SLC30A8: variants seen among roughly 807,000 people sequenced by gnomAD.
The protein encoded by SLC30A8 is solute carrier family 30 member 8.
Under a neutral mutation model 36.9 loss-of-function variants are expected in SLC30A8, and 27 were observed. The observed-to-expected ratio is 0.73, with a 90% CI of 0.54 to 1.01. SLC30A8 has a LOEUF of 1.01. Ranked by LOEUF, SLC30A8 falls within the 50% of genes least tolerant of loss-of-function variation. The probability of loss-of-function intolerance (pLI) is 0.00; values close to 1 mark genes in which losing one functional copy is unlikely to be tolerated. For synonymous variants in SLC30A8, 164 were observed against 172.4 expected (o/e 0.95, Z 0.38); for missense variants, 439 against 452.0 (o/e 0.97, Z 0.26).
Position 117,097,396 on chromosome 8 carries a change from C to CAAA in SLC30A8, c.-225-37863_-225-37861dup, listed in dbSNP as rs1157294543. On this transcript the variant is annotated intron_variant, in intron 2 of 10. Coordinates refer to the SLC30A8 transcript ENST00000427715. ...TGGGTGACAAAGCAAGACTCCATCT[C>CAAA]AAAAAAAAAAAAAAAAAAAAAAATA... Among the ~76,000 whole-genome samples, 16 of 25,060 alleles carry CAAA rather than the reference C, an allele frequency of 6.4e-4. 2 individuals carry two copies. The highest frequency in any genetic ancestry group is 1.5e-3 in the African/African-American group (14 of 9,156). 16.4% of individuals were successfully genotyped at this position (25,060 alleles called of 152,430 possible).
Position 116,972,054 on chromosome 8 carries a change from A to G in SLC30A8, c.-266+20935A>G, listed in dbSNP as rs139201333. 8.5e-5 allele frequency among the ~76,000 whole-genome samples: 13 copies of G among 152,354 alleles called. No homozygotes were observed. In the East Asian group the frequency reaches 2.3e-3, roughly 27 times the overall value. On this transcript the variant is annotated intron_variant, in intron 1 of 10. Coordinates refer to the SLC30A8 transcript ENST00000427715. ...GTGAAAAACTAGCTCAAGTCTTGTA[A>G]CTGCTTATTTCAAATACTATAAAAG...
chr8:117,153,182 G>C, intron 3 of SLC30A8, 92 bp downstream of exon 3: 2 of 1,338,600 alleles, frequency 1.5e-6, no homozygotes, highest in Non-Finnish European at 2.0e-6. Context: ...AGCCTTGTTG[G>C]AAAGTCCTTA....
intron 1 of SLC30A8, among the ~76,000 whole-genome samples, chr8:117,002,899 G>C (rs979317840): frequency 1.3e-5 from 2 of 152,060 alleles, no homozygotes; most frequent in African/African-American, 4.8e-5. Flanking sequence ...CACTGTGCCT[G>C]GCCAAAAGAT....
intron 1 of SLC30A8, among the ~76,000 whole-genome samples, chr8:117,028,822 C>T (rs1236185452): frequency 1.3e-5 from 2 of 151,750 alleles, no homozygotes; most frequent in African/African-American, 2.4e-5. Context: ...GGTTATCAAA[C>T]AATTGACACC....
At chr8:117,035,133 C>T (rs1356505958) in intron 1 of SLC30A8, among the ~76,000 whole-genome samples, 2 of 152,184 alleles carry the variant, frequency 1.3e-5, no homozygotes, top group Non-Finnish European at 2.9e-5. Flanking sequence ...CATTTCAAAA[C>T]ACAATCATGC....
At chr8:117,040,230 A>C (rs1817340720) in intron 2 of SLC30A8, among the ~76,000 whole-genome samples, 1 of 152,232 alleles carries the variant, frequency 6.6e-6, no homozygotes, top group Non-Finnish European at 1.5e-5. Context: ...TTTGCGACCT[A>C]ACAATAGGGT....
intron 1 of SLC30A8, among the ~76,000 whole-genome samples, chr8:116,957,642 G>A (rs1164106564): frequency 6.6e-6 from 1 of 152,112 alleles, no homozygotes; most frequent in Non-Finnish European, 1.5e-5. Context: ...GATGCCCCGA[G>A]AAACTCTGAG....
Position 117,172,768 on chromosome 8 carries a change from C to A in SLC30A8, c.*87C>A. 8 of 1,471,890 alleles carry A rather than the reference C, an allele frequency of 5.4e-6. No homozygotes were observed. Among genetic ancestry groups the A allele is most frequent in the Non-Finnish European group, 7.5e-6 (8 of 1,070,668 alleles). 91.2% of individuals were successfully genotyped at this position (1,471,890 alleles called of 1,614,324 possible). ...TTTCTGCATCATAGAAAATAAGGAA[C>A]CAAAGGAAGAAATTCATGTCATGGT... On this transcript the variant is annotated 3_prime_UTR_variant, in exon 8 of 8. Transcript: ENST00000456015.
At chr8:117,003,314 A>G (rs1816074937) in intron 1 of SLC30A8, among the ~76,000 whole-genome samples, 1 of 152,214 alleles carries the variant, frequency 6.6e-6, no homozygotes, top group African/African-American at 2.4e-5. Flanking sequence ...GTACCTACTA[A>G]GTGGTAGGTA....
chr8:117,151,235 TCC>T (rs369293217), intron 2 of SLC30A8, among the ~76,000 whole-genome samples: 11 of 152,328 alleles, frequency 7.2e-5, no homozygotes, highest in African/African-American at 2.6e-4. Flanking sequence ...AGCTCTCTGA[TCC>T]CTTAGCCCAT....
intron 2 of SLC30A8, among the ~76,000 whole-genome samples, chr8:117,082,216 C>T (rs1818696390): frequency 6.6e-6 from 1 of 152,122 alleles, no homozygotes; most frequent in South Asian, 2.1e-4. Flanking sequence ...ACCATGTATG[C>T]AGTGATCCAT....
chr8:117,133,585 T>A, upstream of SLC30A8, among the ~76,000 whole-genome samples: 1 of 151,934 alleles, frequency 6.6e-6, no homozygotes, highest in East Asian at 1.9e-4. Flanking sequence ...TTAATGAATT[T>A]CAGGCTGATT....
At chr8:117,137,865 C>A (rs1821433066) in intron 1 of SLC30A8, among the ~76,000 whole-genome samples, 1 of 151,734 alleles carries the variant, frequency 6.6e-6, no homozygotes, top group Non-Finnish European at 1.5e-5. Context: ...ATGGGTGAGG[C>A]AATAGATTCT....
intron 1 of SLC30A8, among the ~76,000 whole-genome samples, chr8:117,021,693 A>G (rs13258165): frequency 0.11 from 17,111 of 152,232 alleles, 1,185 homozygotes; most frequent in East Asian, 0.18. Context: ...AGGTCAAGAA[A>G]ATCCAAGGGA....
intron 2 of SLC30A8, among the ~76,000 whole-genome samples, chr8:117,080,859 G>T (rs1818654427): frequency 6.6e-6 from 1 of 152,056 alleles, no homozygotes; most frequent in Non-Finnish European, 1.5e-5. Context: ...CTTAGTAGTG[G>T]GATTGCTGGG....
chr8:116,991,150 G>A (rs1253206662), intron 1 of SLC30A8, among the ~76,000 whole-genome samples: 2 of 151,836 alleles, frequency 1.3e-5, no homozygotes, highest in Non-Finnish European at 2.9e-5. Flanking sequence ...TTCCCTTTAC[G>A]AATGAGATTC....
At chr8:117,170,563 CA>C (rs1823319760) in intron 6 of SLC30A8, among the ~76,000 whole-genome samples, 1 of 152,132 alleles carries the variant, frequency 6.6e-6, no homozygotes, top group Non-Finnish European at 1.5e-5. Flanking sequence ...AATTGCTCCT[CA>C]AAGATCTCTG....
chr8:117,078,467 AT>A (rs145878977), intron 2 of SLC30A8, among the ~76,000 whole-genome samples: 18 of 150,220 alleles, frequency 1.2e-4, no homozygotes, highest in East Asian at 5.9e-4. Context: ...TACTTTCTAG[AT>A]TTTTTTTTTC....
chr8:116,960,764 A>T (rs1178416261), intron 1 of SLC30A8, among the ~76,000 whole-genome samples: 1 of 152,234 alleles, frequency 6.6e-6, no homozygotes, highest in Non-Finnish European at 1.5e-5. Flanking sequence ...AGTAACTAGA[A>T]TAATTGAAGC....
Sources: allele counts gnomAD v4.1 joint callset (sites outside exome capture counted in the v4.1 genomes callset), GRCh38; gene constraint gnomAD v4.1.1; transcripts MANE v1.5; gene names NCBI Gene and HGNC (gene_info 2026-07-23, HGNC 2026-07-21).